TMEM248: variants seen among roughly 807,000 people sequenced by gnomAD.
The protein encoded by TMEM248 is UPF0458 protein C7orf42.
TMEM248 carries 9 observed loss-of-function variants against 30.3 expected under a neutral mutation model. The observed-to-expected ratio is 0.30, with a 90% CI of 0.18 to 0.52. TMEM248 has a LOEUF of 0.52. Among genes scored for constraint, TMEM248 ranks in the 20% least tolerant of loss-of-function variants. TMEM248 has a pLI of 0.97. For missense variants in TMEM248, 338 were observed against 403.3 expected (o/e 0.84, Z 1.39); for synonymous variants, 184 against 154.4 (o/e 1.19, Z -1.42).
Position 66,941,900 on chromosome 7 carries a change from T to G in TMEM248, c.35T>G (p.Val12Gly). 1 of 1,614,074 alleles carries G rather than the reference T, an allele frequency of 6.2e-7. No homozygotes were observed. Among genetic ancestry groups the G allele is most frequent in the Non-Finnish European group, 8.5e-7 (1 of 1,180,018 alleles). The change falls in exon 2 of 7, where the codon GTG (valine) becomes GGG (glycine). Residue 12 changes from valine to glycine, a missense_variant. By Grantham distance (109) the Val-to-Gly change is moderately radical. Coordinates refer to ENST00000341567, the MANE Select transcript of TMEM248 (RefSeq NM_017994.5). ...FSINPLENLK[V>G]YISSRPPLVV... ...ATCAACCCCCTGGAGAACCTGAAGG[T>G]GTACATCAGCAGTCGGCCTCCCCTG...
At chr7:66,955,470 T>A (rs1309826397) in intron 6 of TMEM248, 32 bp from the exon 7 acceptor site, 2 of 1,614,034 alleles carry the variant, frequency 1.2e-6, no homozygotes, top group Admixed American at 3.3e-5. Context: ...CTTCCCTTTT[T>A]TGACTGGTTT....
chr7:66,931,974 T>A (rs1274623389), intron 1 of TMEM248, among the ~76,000 whole-genome samples: 2 of 151,120 alleles, frequency 1.3e-5, no homozygotes, highest in African/African-American at 4.9e-5. Flanking sequence ...CTGGCTAATT[T>A]TTTGTACTTT....
chr7:66,946,243 C>G (rs919784949), intron 3 of TMEM248, among the ~76,000 whole-genome samples: 1 of 151,920 alleles, frequency 6.6e-6, no homozygotes, highest in Non-Finnish European at 1.5e-5. Flanking sequence ...GCCTGGGCGA[C>G]AGAGCGAGAC....
chr7:66,926,418 G>A (rs1053110069), intron 1 of TMEM248, among the ~76,000 whole-genome samples: 2 of 152,160 alleles, frequency 1.3e-5, no homozygotes, highest in Non-Finnish European at 2.9e-5. Flanking sequence ...TCAGGAGTTC[G>A]AGACTAACCT....
intron 2 of TMEM248, among the ~76,000 whole-genome samples, chr7:66,943,332 G>A (rs1792012085): frequency 6.6e-6 from 1 of 152,234 alleles, no homozygotes; most frequent in Non-Finnish European, 1.5e-5. Flanking sequence ...TGGATAATTA[G>A]CCCTTAATAA....
chr7:66,931,297 C>CAAAAAAAA (rs758131446), intron 1 of TMEM248, among the ~76,000 whole-genome samples: 26 of 64,346 alleles, frequency 4.0e-4, no homozygotes, highest in East Asian at 1.3e-3. Context: ...GACAATATCT[C>CAAAAAAAA]AAAAAAAAAA....
At position 66,937,994 on chromosome 7, in the gene TMEM248, G is replaced by A. The variant is rs144825240; in HGVS notation, c.-18-3854G>A. 5.3e-3 allele frequency among the ~76,000 whole-genome samples: 804 copies of A among 152,274 alleles called. 8 individuals carry two copies. The highest frequency in any genetic ancestry group is 0.018 in the African/African-American group (740 of 41,560). ...GCCCACCTCAGCCTCCCAAAATGCTGAGATTACAGGTGTGAGCCACTGCGC... is the reference window on the plus strand; with the variant it reads ...GCCCACCTCAGCCTCCCAAAATGCTAAGATTACAGGTGTGAGCCACTGCGC... On this transcript the variant is annotated intron_variant, in intron 1 of 6. Coordinates refer to ENST00000341567, the MANE Select transcript of TMEM248 (RefSeq NM_017994.5).
Position 66,955,850 on chromosome 7 carries a change from A to G in TMEM248, c.*328A>G, listed in dbSNP as rs796976621. On this transcript the variant is annotated 3_prime_UTR_variant, in exon 7 of 7. Coordinates refer to ENST00000341567, the MANE Select transcript of TMEM248 (RefSeq NM_017994.5). ...GCTGGTCACGACGATGTTTTCACCA[A>G]GGTCACAGGAGCATTGCGTCGCTGA... is the stretch of plus-strand genomic sequence containing the variant. 2.2e-5 allele frequency: 7 copies of G among 315,590 alleles called. No individual in the cohort carries two copies. Among genetic ancestry groups the G allele is most frequent in the African/African-American group, 1.3e-4 (6 of 46,356 alleles). The allele number at this position is 315,590 out of a possible 1,614,324, so 19.5% of individuals were successfully genotyped here.
intron 4 of TMEM248, among the ~76,000 whole-genome samples, chr7:66,949,244 T>C (rs902737421): frequency 2.8e-4 from 42 of 152,192 alleles, no homozygotes; most frequent in African/African-American, 9.9e-4. Context: ...CCCAGCACTT[T>C]GGGAGGCCAA....
intron 3 of TMEM248, among the ~76,000 whole-genome samples, chr7:66,945,939 C>T (rs1168806924): frequency 6.6e-6 from 1 of 152,094 alleles, no homozygotes; most frequent in African/African-American, 2.4e-5. Context: ...CAAAAATTAG[C>T]CGGGCGTGGT....
chr7:66,941,727 A>G (rs1199147031), intron 1 of TMEM248, 121 bp from the exon 2 acceptor site: 1 of 720,312 alleles, frequency 1.4e-6, no homozygotes, highest in Non-Finnish European at 2.2e-6. Flanking sequence ...ACATTTCTCA[A>G]ATTCAGTAAT....
rs41272927 is a variant in TMEM248, at chr7:66,945,373, G to A, written c.445+112G>A. ...ATTGTACTAGATTGTAGTCTTGCGC[G>A]TGTCTTTTTTTTGTTGAGTTTGAAC... On this transcript the variant is annotated intron_variant, in intron 3 of 6. Coordinates refer to ENST00000341567, the MANE Select transcript of TMEM248 (RefSeq NM_017994.5). 1.2e-3 allele frequency: 1,489 copies of A among 1,232,604 alleles called. 5 individuals carry two copies. The highest frequency in any genetic ancestry group is 1.6e-3 in the Non-Finnish European group (1,409 of 881,500). 76.4% of individuals were successfully genotyped at this position (1,232,604 alleles called of 1,614,324 possible). A position where few individuals can be genotyped will look rare whatever the true frequency, so the allele number is the denominator to read the frequency against.
chr7:66,941,782 A>T, intron 1 of TMEM248, 66 bp from the exon 2 acceptor site: 1 of 1,453,908 alleles, frequency 6.9e-7, no homozygotes. Flanking sequence ...CTCAAAAGGA[A>T]ACAAAAGAAT....
At chr7:66,930,350 G>A (rs966612753) in intron 1 of TMEM248, among the ~76,000 whole-genome samples, 1 of 152,158 alleles carries the variant, frequency 6.6e-6, no homozygotes, top group Non-Finnish European at 1.5e-5. Context: ...ATGAATGAGC[G>A]TGTCCCCCTT....
At position 66,956,545 on chromosome 7, in the gene TMEM248, A is replaced by G. The variant is rs915536844; in HGVS notation, c.*1023A>G. On this transcript the variant is annotated 3_prime_UTR_variant, in exon 7 of 7. Transcript: ENST00000341567. ...GTTTTGCTTTTATTTTCATGCTACT[A>G]ACATATCTTCAGAAGGAAATGGCAA... 1.3e-5 allele frequency: 2 copies of G among 152,190 alleles called. No individual in the cohort carries two copies. The highest frequency in any genetic ancestry group is 2.4e-5 in the African/African-American group (1 of 41,438). 9.4% of individuals were successfully genotyped at this position (152,190 alleles called of 1,614,324 possible).
chr7:66,952,784 C>T (rs1041635903), intron 5 of TMEM248, among the ~76,000 whole-genome samples: 1 of 152,078 alleles, frequency 6.6e-6, no homozygotes, highest in Non-Finnish European at 1.5e-5. Flanking sequence ...GGTGAGGTGC[C>T]GAGGCCTTCC....
At position 66,948,647 on chromosome 7, in the gene TMEM248, A is replaced by G. The variant is rs201273770; in HGVS notation, c.549A>G (p.Thr183=). The G allele has an allele frequency of 3.7e-6, 6 of 1,614,088 alleles. No individual in the cohort carries two copies. The East Asian group carries it at 1.1e-4, about 30-fold the overall frequency. Residue 183 remains threonine, a synonymous_variant, in exon 4 of 7, where the codon ACA becomes ACG. Transcript: ENST00000341567. The part of the protein sequence containing the change: ...LHGHCEQVVF[T]ACMTLTASPG... Reference sequence around the variant, plus strand: ...GTCACTGTGAGCAGGTGGTATTCACAGCCTGCATGACCCTCACGGCCAGCC... The same window carrying G: ...GTCACTGTGAGCAGGTGGTATTCACGGCCTGCATGACCCTCACGGCCAGCC...
At chr7:66,924,474 A>G (rs1791471116) in intron 1 of TMEM248, among the ~76,000 whole-genome samples, 1 of 152,072 alleles carries the variant, frequency 6.6e-6, no homozygotes, top group East Asian at 1.9e-4. Flanking sequence ...GCGCGATCTC[A>G]GCTCACTGCA....
intron 1 of TMEM248, among the ~76,000 whole-genome samples, chr7:66,926,920 G>T (rs986992092): frequency 6.6e-6 from 1 of 152,100 alleles, no homozygotes; most frequent in African/African-American, 2.4e-5. Flanking sequence ...GGACTTTTGT[G>T]TTGTTTGGTT....
Sources: allele counts gnomAD v4.1 joint callset (sites outside exome capture counted in the v4.1 genomes callset), GRCh38; gene constraint gnomAD v4.1.1; transcripts MANE v1.5; gene names NCBI Gene and HGNC (gene_info 2026-07-23, HGNC 2026-07-21).